The following NT5M variants were observed in gnomAD, a reference collection of about 807,000 sequenced individuals.
NT5M encodes the protein 5'(3')-deoxyribonucleotidase, mitochondrial.
A neutral mutation model predicts 22.2 loss-of-function variants in NT5M; 22 were observed. The observed-to-expected ratio is 0.99, with a 90% CI of 0.71 to 1.41. The LOEUF is 1.41. NT5M is among the 40% of genes most tolerant of loss of function. The probability of loss-of-function intolerance (pLI) is 0.00; values close to 1 mark genes in which losing one functional copy is unlikely to be tolerated. For missense variants in NT5M, 322 were observed against 314.8 expected, an observed-to-expected ratio of 1.02 and a Z score of -0.17; for synonymous variants, 167 against 133.0, an observed-to-expected ratio of 1.26 and a Z score of -1.76.
intron 3 of NT5M, among the ~76,000 whole-genome samples, chr17:17,334,349 T>G (rs2049452855): frequency 1.3e-5 from 2 of 150,642 alleles, no homozygotes; most frequent in South Asian, 4.2e-4. Context: ...CAGTTGTGCC[T>G]CTGTTGGAAA....
chr17:17,314,955 A>G (rs1246755795), intron 2 of NT5M, among the ~76,000 whole-genome samples: 1 of 152,030 alleles, frequency 6.6e-6, no homozygotes, highest in Non-Finnish European at 1.5e-5. Flanking sequence ...CTAAGCTGAA[A>G]TTGCATGTCT....
rs1365183646 is a variant in NT5M at position 17,303,403 on chromosome 17, C to A, written c.-148C>A. 4 of 945,678 alleles carry A rather than the reference C, an allele frequency of 4.2e-6. No homozygotes were observed. In the African/African-American group the frequency reaches 5.3e-5, roughly 13 times the overall value. 58.6% of individuals were successfully genotyped at this position (945,678 alleles called of 1,614,324 possible). On this transcript the variant is annotated 5_prime_UTR_variant, in exon 1 of 5. Transcript: ENST00000389022. ...GGGGCCGGTACTTGCGCGCCCGCAC[C>A]CCGCGCTCCCCGCCCCGCTCCCCGT...
rs2049387100 is a variant in NT5M at position 17,331,573 on chromosome 17, A to C, written c.429+8328A>C. 1.3e-5 allele frequency among the ~76,000 whole-genome samples: 2 copies of C among 151,602 alleles called. 1 individual carries two copies. Among genetic ancestry groups the C allele is most frequent in the African/African-American group, 4.9e-5 (2 of 40,924 alleles). ...CATTGTAATAGGGATTGTAGACAAAAGTGCATGATCCCTTTATTTATTTAT... is the reference window on the plus strand; with the variant it reads ...CATTGTAATAGGGATTGTAGACAAACGTGCATGATCCCTTTATTTATTTAT... On this transcript the variant is annotated intron_variant, in intron 3 of 4. Coordinates refer to ENST00000389022, the MANE Select transcript of NT5M (RefSeq NM_020201.4).
At chr17:17,332,081 A>G (rs1399262145) in intron 3 of NT5M, among the ~76,000 whole-genome samples, 1 of 151,796 alleles carries the variant, frequency 6.6e-6, no homozygotes, top group Admixed American at 6.6e-5. Flanking sequence ...CATCCGGCCT[A>G]TGGTATTATT....
At chr17:17,316,653 G>GGC (rs2049034183) in intron 2 of NT5M, among the ~76,000 whole-genome samples, 1 of 147,860 alleles carries the variant, frequency 6.8e-6, no homozygotes, top group Non-Finnish European at 1.5e-5. Context: ...TGGGATTACA[G>GGC]AAGTGAGCCA....
At chr17:17,336,000 CTTTT>C (rs1167144502) in intron 3 of NT5M, among the ~76,000 whole-genome samples, 1 of 98,918 alleles carries the variant, frequency 1.0e-5, no homozygotes. Context: ...CTTATTCATT[CTTTT>C]TTTTTTTTTT....
chr17:17,326,337 G>A (rs1402221831), intron 3 of NT5M, among the ~76,000 whole-genome samples: 1 of 152,172 alleles, frequency 6.6e-6, no homozygotes, highest in Non-Finnish European at 1.5e-5. Context: ...AAGAGCCTGT[G>A]CCCACCGCCA....
At chr17:17,344,444 C>T (rs994342503) in intron 3 of NT5M, among the ~76,000 whole-genome samples, 1 of 152,082 alleles carries the variant, frequency 6.6e-6, no homozygotes, top group Non-Finnish European at 1.5e-5. Flanking sequence ...TGGCAGTGGC[C>T]CAGCAGGTGG....
intron 1 of NT5M, among the ~76,000 whole-genome samples, chr17:17,306,186 A>G (rs903984311): frequency 1.3e-5 from 2 of 151,982 alleles, no homozygotes; most frequent in Non-Finnish European, 2.9e-5. Context: ...CCATGGTAAG[A>G]GCTGGTCCAG....
At chr17:17,307,771 G>T (rs984556138) in intron 2 of NT5M, among the ~76,000 whole-genome samples, 32 of 152,106 alleles carry the variant, frequency 2.1e-4, no homozygotes, top group African/African-American at 7.7e-4. Flanking sequence ...CAGGATAATT[G>T]TTTGAACCCA....
intron 2 of NT5M, among the ~76,000 whole-genome samples, chr17:17,318,846 A>T (rs1179440143): frequency 6.6e-6 from 1 of 151,072 alleles, no homozygotes; most frequent in Admixed American, 6.6e-5. Flanking sequence ...ACATGAATGA[A>T]CCTTGAAAAC....
chr17:17,306,413 CTTGGGTGTGTGT>C (rs2048802036), intron 1 of NT5M, 118 bp from the exon 2 acceptor site: 2 of 714,960 alleles, frequency 2.8e-6, no homozygotes, highest in Non-Finnish European at 5.0e-6. Context: ...GAAGTACGTC[CTTGGGTGTGTGT>C]TTGGGGGAGT....
In NT5M at chr17:17,305,273, G is replaced by A. The variant is rs375452089; in HGVS notation, c.268-1270G>A. On this transcript the variant is annotated intron_variant, in intron 1 of 4. Coordinates refer to ENST00000389022, the MANE Select transcript of NT5M (RefSeq NM_020201.4). Reference sequence around the variant, plus strand: ...ACAAGGCAAAGGCACGGGGCAGTAAGGAGGGTGCCTTGGGAGTAATCTGCT... The same window carrying A: ...ACAAGGCAAAGGCACGGGGCAGTAAAGAGGGTGCCTTGGGAGTAATCTGCT... 3.3e-5 allele frequency among the ~76,000 whole-genome samples: 5 copies of A among 152,038 alleles called. No homozygotes were observed. The East Asian group carries it at 5.8e-4, about 18-fold the overall frequency.
At chr17:17,306,424 G>GT (rs2048802462) in intron 1 of NT5M, 119 bp from the exon 2 acceptor site, 3 of 738,148 alleles carry the variant, frequency 4.1e-6, no homozygotes, top group Admixed American at 2.0e-5. Flanking sequence ...TTGGGTGTGT[G>GT]TTTGGGGGAG....
chr17:17,323,047 A>G, intron 2 of NT5M, 138 bp from the exon 3 acceptor site: 1 of 772,470 alleles, frequency 1.3e-6, no homozygotes, highest in Non-Finnish European at 2.4e-6. Context: ...GATATAGTAC[A>G]GGGGAGTGGG....
At position 17,303,377 on chromosome 17, in the gene NT5M, T is replaced by G; in HGVS notation, c.-174T>G. ...GACCGCGCGCGCCGCGGCCTCGCTC[T>G]GGGGCCGGTACTTGCGCGCCCGCAC... On this transcript the variant is annotated 5_prime_UTR_variant, in exon 1 of 5. Transcript: ENST00000389022. 3.9e-6 allele frequency: 3 copies of G among 761,586 alleles called. No homozygotes were observed. Among genetic ancestry groups the G allele is most frequent in the Non-Finnish European group, 4.8e-6 (3 of 623,614 alleles). 47.2% of individuals were successfully genotyped at this position (761,586 alleles called of 1,614,324 possible).
intron 4 of NT5M, among the ~76,000 whole-genome samples, chr17:17,345,634 C>CAA (rs34513135): frequency 1.3e-3 from 125 of 98,576 alleles, no homozygotes; most frequent in African/African-American, 4.7e-3. Context: ...CCTGTCTCTA[C>CAA]AAAAAAAAAA....
intron 3 of NT5M, among the ~76,000 whole-genome samples, chr17:17,336,148 G>T (rs968379056): frequency 1.3e-5 from 2 of 151,292 alleles, no homozygotes; most frequent in African/African-American, 4.9e-5. Flanking sequence ...GACTGCAGGT[G>T]CCCGCCACCA....
chr17:17,339,266 A>T (rs577478466), intron 3 of NT5M, among the ~76,000 whole-genome samples: 6 of 141,538 alleles, frequency 4.2e-5, no homozygotes, highest in Admixed American at 7.0e-5. Context: ...TCCTTTCTTA[A>T]TTTTTTTTCA....
Sources: allele counts gnomAD v4.1 joint callset (sites outside exome capture counted in the v4.1 genomes callset), GRCh38; gene constraint gnomAD v4.1.1; transcripts MANE v1.5; gene names NCBI Gene and HGNC (gene_info 2026-07-23, HGNC 2026-07-21).